ECSCR: variants seen among roughly 807,000 people sequenced by gnomAD.
ECSCR encodes the protein endothelial cell-specific chemotaxis regulator.
ECSCR carries 12 observed loss-of-function variants against 16.7 expected under a neutral mutation model. The observed-to-expected ratio is 0.72, with a 90% CI of 0.46 to 1.17. The LOEUF (loss-of-function observed/expected upper bound fraction) is 1.17, where lower values mean the gene tolerates loss of function less well. Ranked by LOEUF, ECSCR falls within the 50% of genes most tolerant of loss-of-function variation. The pLI is 0.00. For missense variants in ECSCR, 122 were observed against 116.1 expected (o/e 1.05, Z -0.23); for synonymous variants, 44 against 42.2 (o/e 1.04, Z -0.17).
At chr5:139,458,496 T>TCAACAA (rs1372108322) in intron 1 of ECSCR, among the ~76,000 whole-genome samples, 33 of 33,110 alleles carry the variant, frequency 1.0e-3, no homozygotes, top group African/African-American at 5.5e-3. Flanking sequence ...AGACCCTATC[T>TCAACAA]CAACAAAAAA....
chr5:139,458,301 T>TAA, intron 1 of ECSCR, 118 bp from the exon 2 acceptor site: 1 of 831,848 alleles, frequency 1.2e-6, no homozygotes, highest in Non-Finnish European at 1.8e-6. Context: ...ACCCTGTCTC[T>TAA]AAAAAAAAAT....
At chr5:139,454,000 GT>G (rs1751101011) in intron 8 of ECSCR, among the ~76,000 whole-genome samples, 1 of 147,154 alleles carries the variant, frequency 6.8e-6, no homozygotes, top group African/African-American at 2.5e-5. Flanking sequence ...TTTGAGGTGT[GT>G]TGGGGTGTGT....
At chr5:139,449,215 G>C in intron 8 of ECSCR, 41 bp from the exon 9 acceptor site, 2 of 1,413,514 alleles carry the variant, frequency 1.4e-6, no homozygotes, top group Non-Finnish European at 1.9e-6. Context: ...GAGGAGGAGG[G>C]CAGGGCAATG....
chr5:139,449,137 G>A lies in ECSCR; in HGVS notation c.550C>T (p.Leu184Phe). 1 of 1,537,218 alleles carries A rather than the reference G, an allele frequency of 6.5e-7. No individual in the cohort carries two copies. The highest frequency in any genetic ancestry group is 8.7e-7 in the Non-Finnish European group (1 of 1,146,892). ...ATGTTGATGTTCTTCATGGAGATAAGGGTGATGCTGTCTTTCTCTCCATTG... is the reference window on the plus strand; with the variant it reads ...ATGTTGATGTTCTTCATGGAGATAAAGGTGATGCTGTCTTTCTCTCCATTG... ...TANGEKDSIT[L>F]ISMKNINMNN... The change falls in exon 9 of 10, where the codon CTT becomes TTT. Residue 184 changes from leucine (L) to phenylalanine (F), a missense_variant. Physicochemically the swap from Leu to Phe is conservative, Grantham distance 22. Transcript: ENST00000618155.
intron 8 of ECSCR, 80 bp downstream of exon 8, chr5:139,454,522 G>C (rs1305316333): frequency 2.5e-6 from 1 of 397,840 alleles, no homozygotes; most frequent in Admixed American, 4.4e-5. Context: ...GGGTGTGTGG[G>C]TGTGGAAGGC....
chr5:139,459,318 T>C (rs957486013), intron 1 of ECSCR, among the ~76,000 whole-genome samples: 2 of 151,932 alleles, frequency 1.3e-5, no homozygotes, highest in Middle Eastern at 3.2e-3. Flanking sequence ...GTGCAGAAAG[T>C]AAGTTCTGAG....
chr5:139,451,558 G>GGT (rs1396808607), intron 8 of ECSCR, among the ~76,000 whole-genome samples: 4 of 144,694 alleles, frequency 2.8e-5, no homozygotes, highest in Non-Finnish European at 6.1e-5. Context: ...TAGGGTACGG[G>GGT]GTGTGTGTGT....
chr5:139,462,208 C>T (rs1181798468), intron 1 of ECSCR, among the ~76,000 whole-genome samples: 2 of 152,180 alleles, frequency 1.3e-5, no homozygotes, highest in Non-Finnish European at 2.9e-5. Flanking sequence ...GCCCATGGTG[C>T]AGAGGATTTG....
chr5:139,452,151 G>A (rs1488142758), intron 8 of ECSCR, among the ~76,000 whole-genome samples: 2 of 147,880 alleles, frequency 1.4e-5, no homozygotes, highest in Admixed American at 6.7e-5. Flanking sequence ...ATGTGGATGT[G>A]CGTGGGGTGT....
At chr5:139,461,133 G>A (rs1751292232) in intron 1 of ECSCR, among the ~76,000 whole-genome samples, 1 of 152,152 alleles carries the variant, frequency 6.6e-6, no homozygotes, top group Admixed American at 6.5e-5. Context: ...CTGCAACTCT[G>A]GCCTGCGCAA....
intron 4 of ECSCR, 25 bp downstream of exon 4, chr5:139,457,520 A>G (rs1751184275): frequency 1.3e-6 from 1 of 781,936 alleles, no homozygotes; most frequent in Non-Finnish European, 2.4e-6. Flanking sequence ...CCTGGATGGC[A>G]TTTGTAGTCT....
intron 6 of ECSCR, 43 bp downstream of exon 6, chr5:139,455,280 G>A (rs1312061514): frequency 7.5e-6 from 3 of 398,348 alleles, no homozygotes; most frequent in Non-Finnish European, 1.3e-5. Context: ...AATTCCAGGG[G>A]TAGGGGTTCC....
intron 3 of ECSCR, 42 bp from the exon 4 acceptor site, chr5:139,457,646 G>T: frequency 1.6e-6 from 2 of 1,237,598 alleles, no homozygotes; most frequent in Admixed American, 1.7e-5. Context: ...GGTGGGGTAG[G>T]TTTGGTGACA....
intron 8 of ECSCR, among the ~76,000 whole-genome samples, chr5:139,451,524 G>T (rs1255212649): frequency 7.0e-6 from 1 of 143,634 alleles, no homozygotes; most frequent in African/African-American, 2.6e-5. Flanking sequence ...TGTATAGTAT[G>T]AAGTGTGTGG....
intron 6 of ECSCR, 77 bp downstream of exon 6, chr5:139,455,246 C>G (rs1038165650): frequency 3.3e-5 from 8 of 245,376 alleles, no homozygotes; most frequent in Non-Finnish European, 4.4e-5. Context: ...TTTGAACTTG[C>G]GTTTCAGACC....
chr5:139,462,619 G>T lies in ECSCR; in HGVS notation c.52C>A (p.Leu18Met). ...QLCWVILGFL[L>M]FRGHNSQPTM... ...GGCAGGCACCTCTTACCTCGGAACA[G>T]GAGGAAGCCCAGGATCACCCAGCAC... is the stretch of plus-strand genomic sequence containing the variant. Residue 18 changes from leucine to methionine, a missense_variant, in exon 1 of 10, where the codon CTG becomes ATG. Coordinates refer to ENST00000618155, the MANE Select transcript of ECSCR (RefSeq NM_001077693.4). 1 of 1,597,866 alleles carries T rather than the reference G, an allele frequency of 6.3e-7. No individual in the cohort carries two copies. The highest frequency in any genetic ancestry group is 8.5e-7 in the Non-Finnish European group (1 of 1,172,650).
Position 139,448,781 on chromosome 5 carries a change from AC to A in ECSCR, c.*118del, listed in dbSNP as rs1750964808. 6.7e-7 allele frequency: 1 copy of A among 1,497,902 alleles called. No individual in the cohort carries two copies. Among genetic ancestry groups the A allele is most frequent in the African/African-American group, 1.4e-5 (1 of 71,472 alleles). 92.8% of individuals were successfully genotyped at this position (1,497,902 alleles called of 1,614,324 possible). On this transcript the variant is annotated 3_prime_UTR_variant, in exon 10 of 10. Transcript: ENST00000618155. ...TAGTGTCCTTTAGATCTAGAAGCAG[AC>A]ATGAAACAATAAAATAATTTACATG... is the stretch of plus-strand genomic sequence containing the variant.
At chr5:139,457,160 G>A (rs1751175675) in intron 4 of ECSCR, among the ~76,000 whole-genome samples, 1 of 152,216 alleles carries the variant, frequency 6.6e-6, no homozygotes, top group South Asian at 2.1e-4. Context: ...TCTAGAAGGG[G>A]CCATTCTCTT....
chr5:139,461,527 T>C (rs1480151921), intron 1 of ECSCR, among the ~76,000 whole-genome samples: 1 of 152,060 alleles, frequency 6.6e-6, no homozygotes, highest in African/African-American at 2.4e-5. Context: ...GAGAAAACAG[T>C]GGGTAGGGAG....
Sources: gnomAD v4.1 joint callset for allele counts (sites outside exome capture counted in the v4.1 genomes callset) on GRCh38, gnomAD v4.1.1 for gene constraint, MANE v1.5 for transcripts, NCBI Gene and HGNC (gene_info 2026-07-23, HGNC 2026-07-21) for gene names.